The following AR variants were observed in gnomAD, a reference collection of about 807,000 sequenced individuals.
AR encodes dihydrotestosterone receptor.
AR carries 8 observed loss-of-function variants against 53.9 expected under a neutral mutation model. The observed-to-expected ratio is 0.15, with a 90% CI of 0.09 to 0.27. AR has a LOEUF of 0.27. AR is among the 10% of genes least tolerant of loss of function. The pLI is 1.00. For synonymous variants in AR, 359 were observed against 316.4 expected, an observed-to-expected ratio of 1.13 and a Z score of -1.43; for missense variants, 639 against 742.5, an observed-to-expected ratio of 0.86 and a Z score of 1.62.
At chrX:67,689,498 A>G (rs985087736) in intron 3 of AR, 1 of 792,430 alleles carries the variant, frequency 1.3e-6, no homozygotes, top group Non-Finnish European at 1.6e-6. Context: ...CTTAATAGAT[A>G]TAGCTTTTTC....
intron 1 of AR, among the ~76,000 whole-genome samples, chrX:67,594,792 A>G (rs1923003716): frequency 2.7e-5 from 3 of 111,436 alleles, no homozygotes; most frequent in Non-Finnish European, 5.6e-5. Flanking sequence ...TACTAAAAAT[A>G]CAAAAAATTA....
chrX:67,660,801 G>A (rs912447641), intron 2 of AR, among the ~76,000 whole-genome samples: 7 of 111,417 alleles, frequency 6.3e-5, no homozygotes, highest in African/African-American at 2.3e-4. Flanking sequence ...AAATTACCTT[G>A]GGCAGTATGG....
intron 1 of AR, among the ~76,000 whole-genome samples, chrX:67,567,336 C>CT (rs747590187): frequency 1.1e-3 from 120 of 111,542 alleles, no homozygotes; most frequent in African/African-American, 3.8e-3. Context: ...CTTGTCATCT[C>CT]TTTTTTACTT....
intron 3 of AR, among the ~76,000 whole-genome samples, chrX:67,696,849 G>T (rs1048857736): frequency 9.0e-6 from 1 of 111,264 alleles, no homozygotes; most frequent in East Asian, 2.8e-4. Flanking sequence ...TATTCAACCC[G>T]ATGAAATATA....
chrX:67,715,347 C>T (rs2076108877), intron 4 of AR, among the ~76,000 whole-genome samples: 1 of 111,374 alleles, frequency 9.0e-6, no homozygotes. Context: ...TCCAGCCGGT[C>T]TGTCAGCGTG....
intron 2 of AR, 195 bp from the exon 3 acceptor site, chrX:67,685,815 C>A: frequency 1.7e-6 from 1 of 580,494 alleles, no homozygotes; most frequent in Non-Finnish European, 2.6e-6. Context: ...CAATGGAAAT[C>A]AAACAATATA....
At chrX:67,605,711 A>T (rs1346191400) in intron 1 of AR, among the ~76,000 whole-genome samples, 1 of 112,050 alleles carries the variant, frequency 8.9e-6, no homozygotes, top group Non-Finnish European at 1.9e-5. Context: ...TCCCTTTCTT[A>T]TCTTCATGGC....
chrX:67,721,238 G>A (rs181086466), intron 5 of AR, among the ~76,000 whole-genome samples: 4 of 112,274 alleles, frequency 3.6e-5, no homozygotes, highest in East Asian at 5.6e-4. Flanking sequence ...ATTGGAACTC[G>A]TTTTGAAAGA....
Position 67,730,000 on chromosome X carries a change from A to T in AR, c.*6159A>T, listed in dbSNP as rs1299513277. The T allele has an allele frequency of 1.2e-5, 2 of 172,447 alleles. No individual in the cohort carries two copies. Among genetic ancestry groups the T allele is most frequent in the East Asian group, 8.1e-5 (1 of 12,274 alleles). 14.2% of individuals were successfully genotyped at this position (172,447 alleles called of 1,213,427 possible). A position where few individuals can be genotyped will look rare whatever the true frequency, so the allele number is the denominator to read the frequency against. On this transcript the variant is annotated 3_prime_UTR_variant, in exon 8 of 8. Transcript: ENST00000374690. ...ACGCAAAAAAAAGAAAAAAAAAATT[A>T]AAAAGTCCCCTCACAACCCAGTGAC...
At chrX:67,571,256 G>A (rs892037839) in intron 1 of AR, among the ~76,000 whole-genome samples, 1 of 111,953 alleles carries the variant, frequency 8.9e-6, no homozygotes, top group East Asian at 2.8e-4. Flanking sequence ...TTCTTTGCAC[G>A]ATATTAAAGA....
intron 5 of AR, among the ~76,000 whole-genome samples, chrX:67,719,671 G>T (rs781128299): frequency 2.7e-5 from 3 of 111,944 alleles, no homozygotes; most frequent in African/African-American, 9.8e-5. Context: ...AAATAATTTT[G>T]TCATTATGTA....
At chrX:67,663,472 TAG>T (rs1298331418) in intron 2 of AR, among the ~76,000 whole-genome samples, 1 of 112,623 alleles carries the variant, frequency 8.9e-6, no homozygotes, top group Non-Finnish European at 1.9e-5. Context: ...TTCTGGCTTG[TAG>T]AGTTTCTGCT....
chrX:67,638,169 G>A (rs756730233), intron 1 of AR, among the ~76,000 whole-genome samples: 40 of 111,341 alleles, frequency 3.6e-4, no homozygotes, highest in African/African-American at 1.3e-3. Flanking sequence ...CTTTTATATG[G>A]CTGCACAATA....
At chrX:67,710,270 C>G (rs537427090) in intron 3 of AR, among the ~76,000 whole-genome samples, 2 of 111,794 alleles carry the variant, frequency 1.8e-5, no homozygotes, top group Admixed American at 1.9e-4. Context: ...CTTTGAATTA[C>G]AACATTCAGT....
intron 1 of AR, among the ~76,000 whole-genome samples, chrX:67,589,505 C>G (rs1229146491): frequency 1.8e-5 from 2 of 111,570 alleles, no homozygotes; most frequent in Non-Finnish European, 3.8e-5. Flanking sequence ...TGGCCTTTGT[C>G]CTGACAGCCA....
intron 4 of AR, among the ~76,000 whole-genome samples, chrX:67,715,574 G>T (rs1218208141): frequency 8.9e-6 from 1 of 111,961 alleles, no homozygotes; most frequent in Non-Finnish European, 1.9e-5. Flanking sequence ...GGTGACCTTG[G>T]TAGTTCCTGA....
At chrX:67,699,030 C>T (rs1245205369) in intron 3 of AR, among the ~76,000 whole-genome samples, 1 of 112,041 alleles carries the variant, frequency 8.9e-6, no homozygotes, top group Non-Finnish European at 1.9e-5. Context: ...TAGTAATTAA[C>T]GGAGCCGGGA....
intron 1 of AR, chrX:67,569,165 T>A (rs1432830513): frequency 4.4e-6 from 2 of 453,168 alleles, no homozygotes; most frequent in African/African-American, 5.5e-5. Flanking sequence ...TCTTAGCATG[T>A]TGACTAATTT....
At chrX:67,590,051 C>T (rs1314825071) in intron 1 of AR, among the ~76,000 whole-genome samples, 1 of 111,634 alleles carries the variant, frequency 9.0e-6, no homozygotes. Flanking sequence ...AAAGTACCCA[C>T]ACTCTTATTC....
Sources: allele counts gnomAD v4.1 joint callset (sites outside exome capture counted in the v4.1 genomes callset), GRCh38; gene constraint gnomAD v4.1.1; transcripts MANE v1.5; gene names NCBI Gene and HGNC (gene_info 2026-07-23, HGNC 2026-07-21).